Variants in DPP6 observed in about 807,000 individuals in gnomAD.
DPP6 encodes dipeptidyl peptidase like 6, also known as A-type potassium channel modulatory protein DPP6.
In DPP6, 69 loss-of-function variants were observed where a neutral mutation model predicts 122.6. That is an observed-to-expected ratio of 0.56 (90% confidence interval 0.46 to 0.69). The LOEUF (loss-of-function observed/expected upper bound fraction) is 0.69. Among genes scored for constraint, DPP6 ranks in the 30% least tolerant of loss-of-function variants. The probability of loss-of-function intolerance (pLI) is 0.00; values close to 1 mark genes in which losing one functional copy is unlikely to be tolerated. For missense variants in DPP6, 928 were observed against 1,116.9 expected (o/e 0.83, Z 2.41); for synonymous variants, 418 against 433.1 (o/e 0.97, Z 0.43).
chr7:153,977,850 C>A (rs1563068726), intron 1 of DPP6, among the ~76,000 whole-genome samples: 1 of 152,122 alleles, frequency 6.6e-6, no homozygotes, highest in Non-Finnish European at 1.5e-5. Flanking sequence ...TGATGGTTTC[C>A]AGCTTCATCC....
At chr7:154,262,864 A>C (rs971262372) in intron 1 of DPP6, among the ~76,000 whole-genome samples, 18 of 152,244 alleles carry the variant, frequency 1.2e-4, no homozygotes, top group African/African-American at 4.3e-4. Flanking sequence ...TGTATTTTTC[A>C]CGCACTGTTA....
chr7:154,316,278 C>T (rs777751751), intron 1 of DPP6, among the ~76,000 whole-genome samples: 1 of 152,214 alleles, frequency 6.6e-6, no homozygotes, highest in Non-Finnish European at 1.5e-5. Context: ...GAAGCATGAA[C>T]TATTCACTCC....
intron 5 of DPP6, among the ~76,000 whole-genome samples, chr7:154,636,766 C>G (rs1355665607): frequency 6.6e-6 from 1 of 152,316 alleles, no homozygotes; most frequent in Non-Finnish European, 1.5e-5. Flanking sequence ...CAAATCCTAC[C>G]TGTTTTCTTT....
At chr7:154,217,390 A>G (rs567547531) in intron 1 of DPP6, among the ~76,000 whole-genome samples, 15 of 152,298 alleles carry the variant, frequency 9.8e-5, no homozygotes, top group African/African-American at 3.4e-4. Context: ...ATGAAATGGG[A>G]TGGAACAGAA....
intron 1 of DPP6, among the ~76,000 whole-genome samples, chr7:154,179,708 T>C (rs1170676393): frequency 6.6e-6 from 1 of 152,226 alleles, no homozygotes; most frequent in African/African-American, 2.4e-5. Flanking sequence ...CCTGATTTTG[T>C]GTCACTTTCA....
Position 154,060,875 on chromosome 7 carries a change from G to C in DPP6, c.243+7812G>C, listed in dbSNP as rs540169401. On this transcript the variant is annotated intron_variant, in intron 1 of 25. Coordinates refer to ENST00000377770, the MANE Select transcript of DPP6 (RefSeq NM_130797.4). ...ACTGGCTCTTAGGACCCACATCACAGAGTGGGGAGGCACCCCCCACGAGGC... is the reference window on the plus strand; with the variant it reads ...ACTGGCTCTTAGGACCCACATCACACAGTGGGGAGGCACCCCCCACGAGGC... 6.0e-5 allele frequency among the ~76,000 whole-genome samples: 8 copies of C among 133,614 alleles called. No homozygotes were observed. The East Asian group carries it at 1.6e-3, about 26-fold the overall frequency. 87.7% of individuals were successfully genotyped at this position (133,614 alleles called of 152,430 possible).
At chr7:154,633,761 TG>T (rs1470626250) in intron 5 of DPP6, among the ~76,000 whole-genome samples, 12 of 152,214 alleles carry the variant, frequency 7.9e-5, no homozygotes, top group African/African-American at 2.9e-4. Flanking sequence ...GAAGATTTTG[TG>T]GAAGACAATG....
At chr7:154,455,497 CCCT>C (rs1820750204) in intron 2 of DPP6, among the ~76,000 whole-genome samples, 1 of 152,166 alleles carries the variant, frequency 6.6e-6, no homozygotes. Flanking sequence ...CAAATCTTCT[CCCT>C]CCAAAAGGAG....
chr7:154,328,379 G>A (rs930294865), intron 1 of DPP6, among the ~76,000 whole-genome samples: 1 of 152,178 alleles, frequency 6.6e-6, no homozygotes, highest in Non-Finnish European at 1.5e-5. Flanking sequence ...CGACGGGCCT[G>A]GAAGGGATTC....
chr7:154,442,264 T>C (rs1004700518), intron 1 of DPP6, among the ~76,000 whole-genome samples: 4 of 152,148 alleles, frequency 2.6e-5, no homozygotes, highest in Non-Finnish European at 5.9e-5. Context: ...CCCCTGGTAA[T>C]GACACATGCA....
intron 1 of DPP6, among the ~76,000 whole-genome samples, chr7:154,105,946 G>A (rs1312460454): frequency 1.3e-5 from 2 of 149,054 alleles, no homozygotes; most frequent in Non-Finnish European, 2.9e-5. Flanking sequence ...GCCCCGACTC[G>A]CTTTCCCATC....
At chr7:154,222,481 C>A (rs1184754749) in intron 1 of DPP6, among the ~76,000 whole-genome samples, 2 of 148,744 alleles carry the variant, frequency 1.3e-5, no homozygotes, top group African/African-American at 5.1e-5. Context: ...CATGGAGAAA[C>A]CCCATCTCTA....
intron 1 of DPP6, among the ~76,000 whole-genome samples, chr7:154,253,538 C>A (rs144579761): frequency 1.3e-5 from 2 of 152,136 alleles, no homozygotes; most frequent in African/African-American, 4.8e-5. Flanking sequence ...CTTGACTAGA[C>A]GTGATTTCAC....
rs552839082 is a variant in DPP6, at chr7:154,486,886, C to A, written c.457+11849C>A. ...TTCCTAACTGATGGATGATGCTGGG[C>A]CCCGCTGTTGATGCTGCTTAATTCA... On this transcript the variant is annotated intron_variant, in intron 3 of 25. Coordinates refer to ENST00000377770, the MANE Select transcript of DPP6 (RefSeq NM_130797.4). This position sits in a 1 kb window ranked among gnomAD's most constrained non-coding sequence, Gnocchi z 4.5. Among the ~76,000 whole-genome samples the A allele has an allele frequency of 6.6e-6, 1 of 152,144 alleles. No individual in the cohort carries two copies. The highest frequency in any genetic ancestry group is 2.1e-4 in the South Asian group (1 of 4,828).
intron 1 of DPP6, among the ~76,000 whole-genome samples, chr7:154,414,863 A>T (rs909491813): frequency 2.0e-5 from 3 of 152,160 alleles, no homozygotes; most frequent in Non-Finnish European, 2.9e-5. Context: ...CACGAGTCCA[A>T]ATCTGAAGCT....
In DPP6 at chr7:154,827,728, G is replaced by A. The variant is rs1449357898; in HGVS notation, c.1666+20616G>A. Among the ~76,000 whole-genome samples the A allele has an allele frequency of 9.2e-3, 85 of 9,228 alleles. 7 individuals are homozygous for A. In the Admixed American group the frequency reaches 0.096, roughly 10 times the overall value. 6.1% of individuals were successfully genotyped at this position (9,228 alleles called of 152,430 possible). ...GTCTCCCAGAAAGGACGGCTGGCGGGGGGGGGGTGGTGTCGGAGCCCAAGT... is the reference window on the plus strand; with the variant it reads ...GTCTCCCAGAAAGGACGGCTGGCGGAGGGGGGGTGGTGTCGGAGCCCAAGT... On this transcript the variant is annotated intron_variant, in intron 16 of 25. Coordinates refer to ENST00000377770, the MANE Select transcript of DPP6 (RefSeq NM_130797.4).
the DPP6 span, among the ~76,000 whole-genome samples, chr7:153,862,641 G>A: frequency 0.021 from 3,130 of 152,206 alleles, 48 homozygotes; most frequent in Middle Eastern, 0.048. Context: ...CCTTCTAAAT[G>A]TAATTAAAGA....
intron 1 of DPP6, among the ~76,000 whole-genome samples, chr7:154,220,639 C>T (rs1011134616): frequency 6.6e-6 from 1 of 152,154 alleles, no homozygotes; most frequent in Admixed American, 6.6e-5. Context: ...TGCCACATCT[C>T]GTAAGACATG....
At chr7:154,547,187 T>A (rs1829265575) in intron 4 of DPP6, among the ~76,000 whole-genome samples, 1 of 152,176 alleles carries the variant, frequency 6.6e-6, no homozygotes, top group Admixed American at 6.5e-5. Flanking sequence ...GGACGGTGGC[T>A]GCAACTTCAG....
Sources: allele counts gnomAD v4.1 joint callset (sites outside exome capture counted in the v4.1 genomes callset), GRCh38; gene constraint gnomAD v4.1.1; non-coding constraint Gnocchi (gnomAD v3.1); transcripts MANE v1.5; gene names NCBI Gene and HGNC (gene_info 2026-07-23, HGNC 2026-07-21).